Variants in MPZL1 observed in about 807,000 individuals in gnomAD.
The protein encoded by MPZL1 is myelin protein zero-like protein 1.
A neutral mutation model predicts 29.3 loss-of-function variants in MPZL1; 16 were observed. The observed-to-expected ratio is 0.55, with a 90% CI of 0.37 to 0.83. The LOEUF (loss-of-function observed/expected upper bound fraction) is 0.83, where lower values mean the gene tolerates loss of function less well. Among genes scored for constraint, MPZL1 ranks in the 40% least tolerant of loss-of-function variants. The probability of loss-of-function intolerance (pLI) is 0.00; values close to 1 mark genes in which losing one functional copy is unlikely to be tolerated. For missense variants in MPZL1, 279 were observed against 332.9 expected, an observed-to-expected ratio of 0.84 and a Z score of 1.26; for synonymous variants, 143 against 132.0, an observed-to-expected ratio of 1.08 and a Z score of -0.57.
At chr1:167,757,729 A>G (rs1187949651) in intron 1 of MPZL1, among the ~76,000 whole-genome samples, 11 of 152,254 alleles carry the variant, frequency 7.2e-5, no homozygotes, top group Non-Finnish European at 1.5e-5. Context: ...CGCTGTTTAA[A>G]TAAATTGCTT....
intron 1 of MPZL1, among the ~76,000 whole-genome samples, chr1:167,728,362 C>CTT (rs71097693): frequency 9.3e-5 from 11 of 117,672 alleles, no homozygotes; most frequent in African/African-American, 1.7e-4. Context: ...TTCTTTCTTT[C>CTT]TTTTTTTTTT....
At chr1:167,773,135 G>C in intron 3 of MPZL1, 101 bp from the exon 4 acceptor site, 9 of 1,253,246 alleles carry the variant, frequency 7.2e-6, no homozygotes, top group Non-Finnish European at 1.0e-5. Context: ...AAGAGGGTAC[G>C]GTAACTGCTA....
intron 1 of MPZL1, among the ~76,000 whole-genome samples, chr1:167,744,438 C>T (rs1660601367): frequency 6.6e-6 from 1 of 152,114 alleles, no homozygotes; most frequent in African/African-American, 2.4e-5. Flanking sequence ...AATCCCAGCA[C>T]TTTGGGAGGC....
intron 1 of MPZL1, among the ~76,000 whole-genome samples, chr1:167,736,476 C>G (rs1439029324): frequency 2.0e-5 from 3 of 152,112 alleles, no homozygotes; most frequent in Admixed American, 6.5e-5. Context: ...GAACTCAACT[C>G]TATATATCTC....
At chr1:167,727,872 C>CTTTT (rs748327482) in intron 1 of MPZL1, among the ~76,000 whole-genome samples, 8 of 137,766 alleles carry the variant, frequency 5.8e-5, no homozygotes, top group African/African-American at 1.9e-4. Flanking sequence ...CTTTCTTTTC[C>CTTTT]TTTTTTTTTT....
intron 2 of MPZL1, 105 bp downstream of exon 2, chr1:167,765,854 A>AT: frequency 3.5e-6 from 4 of 1,141,540 alleles, no homozygotes; most frequent in African/African-American, 3.2e-5. Context: ...AAATGAGTGT[A>AT]TTTTTTATCT....
intron 1 of MPZL1, among the ~76,000 whole-genome samples, chr1:167,761,080 C>T (rs1302491522): frequency 1.3e-5 from 2 of 152,024 alleles, no homozygotes; most frequent in African/African-American, 4.8e-5. Flanking sequence ...CATTCCTTAA[C>T]AAAAACAGTT....
intron 5 of MPZL1, among the ~76,000 whole-genome samples, chr1:167,778,273 AT>A (rs1176346003): frequency 6.6e-6 from 1 of 151,566 alleles, no homozygotes; most frequent in Non-Finnish European, 1.5e-5. Context: ...GTAAGCCGAG[AT>A]CACACCACTG....
At chr1:167,750,076 GTTCT>G (rs1199009567) in intron 1 of MPZL1, among the ~76,000 whole-genome samples, 1 of 152,180 alleles carries the variant, frequency 6.6e-6, no homozygotes, top group African/African-American at 2.4e-5. Context: ...GAATACTGTA[GTTCT>G]TTCTTTTGCA....
At chr1:167,736,096 T>C (rs770429456) in intron 1 of MPZL1, among the ~76,000 whole-genome samples, 2 of 152,206 alleles carry the variant, frequency 1.3e-5, no homozygotes, top group Non-Finnish European at 2.9e-5. Flanking sequence ...CTTAACATGG[T>C]TGACCACTTT....
At chr1:167,745,558 T>C (rs1248050051) in intron 1 of MPZL1, among the ~76,000 whole-genome samples, 1 of 152,044 alleles carries the variant, frequency 6.6e-6, no homozygotes, top group Non-Finnish European at 1.5e-5. Context: ...GCAAAGAAGC[T>C]TTTTTTGTTT....
intron 1 of MPZL1, among the ~76,000 whole-genome samples, chr1:167,737,212 A>G (rs1660395457): frequency 6.6e-6 from 1 of 152,240 alleles, no homozygotes; most frequent in African/African-American, 2.4e-5. Flanking sequence ...CCTGGAACAT[A>G]GTAAATGTTT....
chr1:167,772,575 G>A, intron 3 of MPZL1, 87 bp downstream of exon 3: 4 of 1,270,938 alleles, frequency 3.1e-6, no homozygotes, highest in Non-Finnish European at 4.4e-6. Context: ...TTCATGGTGG[G>A]TTTGGAGGGA....
In MPZL1 at chr1:167,790,891, T is replaced by C. The variant is rs1016238825; in HGVS notation, c.*2970T>C. 1 of 152,218 alleles carries C rather than the reference T, an allele frequency of 6.6e-6. No individual in the cohort carries two copies. The highest frequency in any genetic ancestry group is 1.5e-5 in the Non-Finnish European group (1 of 68,038). 9.4% of individuals were successfully genotyped at this position (152,218 alleles called of 1,614,324 possible). A position where few individuals can be genotyped will look rare whatever the true frequency, so the allele number is the denominator to read the frequency against. ...TGCCTTTCACTCATATCATTCCAGC[T>C]ACACCTGCCTTCTTTTCTTCAAAAA... On this transcript the variant is annotated 3_prime_UTR_variant, in exon 6 of 6. Coordinates refer to ENST00000359523, the MANE Select transcript of MPZL1 (RefSeq NM_003953.6).
intron 1 of MPZL1, among the ~76,000 whole-genome samples, chr1:167,728,991 C>A (rs1660212483): frequency 6.6e-6 from 1 of 151,994 alleles, no homozygotes; most frequent in Non-Finnish European, 1.5e-5. Flanking sequence ...ATCGGCCGGG[C>A]ATGGTGACTC....
intron 5 of MPZL1, among the ~76,000 whole-genome samples, chr1:167,779,144 A>G (rs920521947): frequency 6.6e-6 from 1 of 151,904 alleles, no homozygotes; most frequent in Non-Finnish European, 1.5e-5. Flanking sequence ...AAGAAAAAAA[A>G]GAAAGTGAAC....
At chr1:167,727,710 C>A (rs1011823010) in intron 1 of MPZL1, among the ~76,000 whole-genome samples, 4 of 152,082 alleles carry the variant, frequency 2.6e-5, no homozygotes, top group African/African-American at 9.7e-5. Context: ...CCCTAGAGTC[C>A]AGACAAAAGT....
At chr1:167,782,812 T>C (rs184345076) in intron 5 of MPZL1, among the ~76,000 whole-genome samples, 60 of 152,270 alleles carry the variant, frequency 3.9e-4, no homozygotes, top group African/African-American at 1.4e-3. Context: ...GATGCTATAC[T>C]GCTGACTTTA....
intron 5 of MPZL1, among the ~76,000 whole-genome samples, chr1:167,783,227 C>T (rs908248000): frequency 1.3e-5 from 2 of 152,090 alleles, no homozygotes; most frequent in Admixed American, 6.5e-5. Context: ...AAGACCAGAA[C>T]CAAACTGGGG....
Sources: allele counts gnomAD v4.1 joint callset (sites outside exome capture counted in the v4.1 genomes callset), GRCh38; gene constraint gnomAD v4.1.1; transcripts MANE v1.5; gene names NCBI Gene and HGNC (gene_info 2026-07-23, HGNC 2026-07-21).